The following AOAH variants were observed in gnomAD, a reference collection of about 807,000 sequenced individuals.
The protein encoded by AOAH is acyloxyacyl hydrolase, also known as acyloxyacyl hydrolase (neutrophil).
AOAH carries 64 observed loss-of-function variants against 92.2 expected under a neutral mutation model. The observed-to-expected ratio is 0.69, with a 90% CI of 0.57 to 0.86. AOAH has a LOEUF of 0.86. Among genes scored for constraint, AOAH ranks in the 40% least tolerant of loss-of-function variants. AOAH has a pLI of 0.00. For missense variants in AOAH, 656 were observed against 694.6 expected (o/e 0.94, Z 0.62); for synonymous variants, 263 against 254.5 (o/e 1.03, Z -0.32).
At chr7:36,668,318 T>C (rs916667604) in intron 3 of AOAH, among the ~76,000 whole-genome samples, 16 of 152,186 alleles carry the variant, frequency 1.1e-4, no homozygotes, top group African/African-American at 3.9e-4. Flanking sequence ...TTTAACACAG[T>C]CTTGTCTACG....
At chr7:36,532,622 G>A (rs1784768225) in intron 16 of AOAH, among the ~76,000 whole-genome samples, 1 of 152,166 alleles carries the variant, frequency 6.6e-6, no homozygotes, top group African/African-American at 2.4e-5. Flanking sequence ...GGCCTCATCT[G>A]GACTCAGGAA....
At chr7:36,612,865 A>G (rs1307992164) in intron 11 of AOAH, among the ~76,000 whole-genome samples, 1 of 152,222 alleles carries the variant, frequency 6.6e-6, no homozygotes, top group African/African-American at 2.4e-5. Context: ...ATCATTAAAA[A>G]TTAGATTTTT....
chr7:36,542,932 A>C (rs1785507049), intron 15 of AOAH, among the ~76,000 whole-genome samples: 1 of 152,212 alleles, frequency 6.6e-6, no homozygotes. Flanking sequence ...TGTATGTATT[A>C]ATATAGAAAG....
At chr7:36,532,981 G>A (rs1784788483) in intron 16 of AOAH, among the ~76,000 whole-genome samples, 1 of 152,182 alleles carries the variant, frequency 6.6e-6, no homozygotes, top group Non-Finnish European at 1.5e-5. Context: ...GGGCTGTCCA[G>A]TGGATATCTT....
At chr7:36,681,048 G>T (rs772720196) in intron 2 of AOAH, among the ~76,000 whole-genome samples, 2 of 152,066 alleles carry the variant, frequency 1.3e-5, no homozygotes, top group Admixed American at 6.6e-5. Flanking sequence ...ATTTTTAGTC[G>T]GTCGTTCACC....
chr7:36,543,084 A>G (rs1785527663), intron 15 of AOAH, among the ~76,000 whole-genome samples: 1 of 152,112 alleles, frequency 6.6e-6, no homozygotes, highest in African/African-American at 2.4e-5. Flanking sequence ...GGGGGGAGAG[A>G]AAAAGATGTC....
chr7:36,588,254 C>T (rs1373684012), intron 12 of AOAH, among the ~76,000 whole-genome samples: 1 of 152,238 alleles, frequency 6.6e-6, no homozygotes, highest in East Asian at 1.9e-4. Context: ...GTTCTACCCA[C>T]CATTGCTTTT....
At chr7:36,709,677 T>C (rs964983979) in intron 1 of AOAH, among the ~76,000 whole-genome samples, 1 of 120,504 alleles carries the variant, frequency 8.3e-6, no homozygotes, top group African/African-American at 3.0e-5. Flanking sequence ...GCAAGGGTCA[T>C]TTTAAAAGAC....
intron 19 of AOAH, among the ~76,000 whole-genome samples, chr7:36,529,409 C>T (rs1170805125): frequency 6.6e-6 from 1 of 152,076 alleles, no homozygotes; most frequent in African/African-American, 2.4e-5. Context: ...AATGTCTCTC[C>T]CCACGAGAGA....
In AOAH at chr7:36,651,899, A is replaced by G. The variant is rs182863068; in HGVS notation, c.390+7267T>C. 4.4e-4 allele frequency among the ~76,000 whole-genome samples: 67 copies of G among 152,324 alleles called. 2 individuals carry two copies. Among genetic ancestry groups the G allele is most frequent in the Admixed American group, 3.5e-3 (54 of 15,306 alleles). On this transcript the variant is annotated intron_variant, in intron 4 of 20. Transcript: ENST00000617537. ...CATCCACATACACACACACAGAGAC[A>G]CACATACAGACACAGTAACAATTGT... is the stretch of plus-strand genomic sequence containing the variant.
At chr7:36,641,733 G>A (rs991530651) in intron 4 of AOAH, among the ~76,000 whole-genome samples, 1 of 152,054 alleles carries the variant, frequency 6.6e-6, no homozygotes, top group Non-Finnish European at 1.5e-5. Flanking sequence ...CAAGCTCTAG[G>A]TAGGTGAGGA....
intron 19 of AOAH, among the ~76,000 whole-genome samples, chr7:36,527,436 C>T (rs992770603): frequency 6.6e-6 from 1 of 152,160 alleles, no homozygotes; most frequent in African/African-American, 2.4e-5. Flanking sequence ...ATTTTAATTT[C>T]TGATAAAAGA....
chr7:36,543,946 TC>T (rs776867444), intron 15 of AOAH, among the ~76,000 whole-genome samples: 1,383 of 93,738 alleles, frequency 0.015, 33 homozygotes, highest in African/African-American at 0.022. Context: ...TTTCTTTCTT[TC>T]TTTTTTTTTT....
chr7:36,688,007 A>C (rs141097958), intron 1 of AOAH, among the ~76,000 whole-genome samples: 4 of 152,200 alleles, frequency 2.6e-5, no homozygotes, highest in African/African-American at 9.7e-5. Flanking sequence ...CTCTCTGGAC[A>C]AAGAGAAAGG....
chr7:36,628,006 G>A (rs751486141), intron 6 of AOAH, among the ~76,000 whole-genome samples: 2 of 152,108 alleles, frequency 1.3e-5, no homozygotes, highest in Admixed American at 6.6e-5. Flanking sequence ...AGGGCCGGGC[G>A]TGGGTTGGTT....
intron 12 of AOAH, among the ~76,000 whole-genome samples, chr7:36,584,637 T>C (rs1789176688): frequency 6.6e-6 from 1 of 152,228 alleles, no homozygotes; most frequent in Non-Finnish European, 1.5e-5. Context: ...TTTAATTAAT[T>C]TTGCTAATTT....
intron 10 of AOAH, 126 bp from the exon 11 acceptor site, chr7:36,616,600 T>G (rs1791902857): frequency 2.8e-6 from 2 of 717,478 alleles, no homozygotes; most frequent in Non-Finnish European, 4.8e-6. Flanking sequence ...CAGTAATGCA[T>G]TACCACTTTT....
At position 36,548,666 on chromosome 7, in the gene AOAH, AAC is replaced by A; in HGVS notation, c.1077_1078del (p.Leu360GlyfsTer14). 6.2e-7 allele frequency: 1 copy of A among 1,613,772 alleles called. No homozygotes were observed. Among genetic ancestry groups the A allele is most frequent in the East Asian group, 2.2e-5 (1 of 44,872 alleles). On this transcript the variant is annotated frameshift_variant, in exon 15 of 21. Transcript: ENST00000617537. LOFTEE classifies it high-confidence loss of function. ...ATATATAACGATGGCGGGATAGTCC[AAC>A]ACCTTGTTTCTAGACAAGCTGAGAA... is the stretch of plus-strand genomic sequence containing the variant.
At chr7:36,552,036 T>A (rs949381528) in intron 13 of AOAH, among the ~76,000 whole-genome samples, 10 of 152,096 alleles carry the variant, frequency 6.6e-5, no homozygotes, top group Non-Finnish European at 1.2e-4. Context: ...GCAGACCCAA[T>A]AGGTAATTTT....
Sources: gnomAD v4.1 joint callset for allele counts (sites outside exome capture counted in the v4.1 genomes callset) on GRCh38, gnomAD v4.1.1 for gene constraint, MANE v1.5 for transcripts, NCBI Gene and HGNC (gene_info 2026-07-23, HGNC 2026-07-21) for gene names.